SLC9A9: variants seen among roughly 807,000 people sequenced by gnomAD.
SLC9A9 encodes sodium/hydrogen exchanger 9.
In SLC9A9, 62 loss-of-function variants were observed where a neutral mutation model predicts 77.8. The observed-to-expected ratio is 0.80, with a 90% CI of 0.65 to 0.98. The LOEUF is 0.98. Among genes scored for constraint, SLC9A9 ranks in the 50% least tolerant of loss-of-function variants. The pLI, the probability that SLC9A9 is intolerant of heterozygous loss-of-function variation, is 0.00. For missense variants in SLC9A9, 775 were observed against 774.9 expected (o/e 1.00, Z 0.00); for synonymous variants, 320 against 283.5 (o/e 1.13, Z -1.29).
At chr3:143,500,272 G>T (rs1400941784) in intron 9 of SLC9A9, among the ~76,000 whole-genome samples, 2 of 152,004 alleles carry the variant, frequency 1.3e-5, no homozygotes, top group African/African-American at 4.8e-5. Flanking sequence ...GCATACAGTT[G>T]TTCTTAATAT....
intron 12 of SLC9A9, among the ~76,000 whole-genome samples, chr3:143,438,900 G>A (rs1477730685): frequency 1.3e-5 from 2 of 152,200 alleles, no homozygotes; most frequent in African/African-American, 4.8e-5. Flanking sequence ...GGATCCAAGA[G>A]CCCAGGGCTT....
intron 12 of SLC9A9, among the ~76,000 whole-genome samples, chr3:143,401,039 C>A (rs1327011456): frequency 1.3e-5 from 2 of 152,140 alleles, no homozygotes; most frequent in Non-Finnish European, 2.9e-5. Context: ...TACTCTACCC[C>A]CTTTTCTCTA....
intron 1 of SLC9A9, 23 bp from the exon 2 acceptor site, chr3:143,832,244 T>C (rs1461450085): frequency 2.5e-6 from 4 of 1,590,294 alleles, no homozygotes; most frequent in Admixed American, 1.7e-5. Context: ...GAATAAATAA[T>C]GGTACTGGAG....
chr3:143,396,111 A>C (rs934413676), intron 12 of SLC9A9, among the ~76,000 whole-genome samples: 20 of 152,364 alleles, frequency 1.3e-4, no homozygotes, highest in African/African-American at 4.8e-4. Context: ...ATATACCCAA[A>C]GGATTATAAA....
At chr3:143,611,420 G>T (rs1269408522) in intron 6 of SLC9A9, among the ~76,000 whole-genome samples, 1 of 151,932 alleles carries the variant, frequency 6.6e-6, no homozygotes, top group Admixed American at 6.6e-5. Flanking sequence ...AAATTGAAGG[G>T]CCCAAACATG....
chr3:143,602,525 CTTAAT>C (rs1180810284), intron 6 of SLC9A9, among the ~76,000 whole-genome samples: 2 of 152,168 alleles, frequency 1.3e-5, no homozygotes, highest in Non-Finnish European at 1.5e-5. Context: ...GCTTAAATAT[CTTAAT>C]TTAACTGTTT....
chr3:143,768,848 T>C (rs1197959622), intron 4 of SLC9A9, among the ~76,000 whole-genome samples: 3 of 152,214 alleles, frequency 2.0e-5, no homozygotes, highest in African/African-American at 4.8e-5. Flanking sequence ...ACAGTGTGTA[T>C]AAATGTTTGT....
In SLC9A9 at chr3:143,761,921, G is replaced by A. The variant is rs377535158; in HGVS notation, c.533+33080C>T. 1.1e-4 allele frequency among the ~76,000 whole-genome samples: 16 copies of A among 152,296 alleles called. No individual in the cohort carries two copies. The East Asian group carries it at 1.7e-3, about 17-fold the overall frequency. On this transcript the variant is annotated intron_variant, in intron 4 of 15. Coordinates refer to ENST00000316549, the MANE Select transcript of SLC9A9 (RefSeq NM_173653.4). ...GTTTATTGCAGCACTATTCACAATA[G>A]CAAAGACATGGAACCAACCCAAATG...
intron 12 of SLC9A9, among the ~76,000 whole-genome samples, chr3:143,438,621 C>T (rs548795629): frequency 6.6e-5 from 10 of 152,262 alleles, no homozygotes; most frequent in Non-Finnish European, 1.0e-4. Flanking sequence ...ATCAGTGTGT[C>T]GCAGGGCAGA....
intron 9 of SLC9A9, among the ~76,000 whole-genome samples, chr3:143,537,649 G>A (rs1487528646): frequency 1.3e-5 from 2 of 152,180 alleles, no homozygotes; most frequent in Non-Finnish European, 2.9e-5. Flanking sequence ...CCTTAGAGTT[G>A]AGCATCCACT....
At chr3:143,840,153 G>T (rs942333400) in intron 1 of SLC9A9, among the ~76,000 whole-genome samples, 3 of 152,162 alleles carry the variant, frequency 2.0e-5, no homozygotes, top group Non-Finnish European at 4.4e-5. Flanking sequence ...CTAGGTCTGG[G>T]CTGTGAACTA....
chr3:143,547,941 G>A (rs1307117863), intron 9 of SLC9A9, among the ~76,000 whole-genome samples: 1 of 152,182 alleles, frequency 6.6e-6, no homozygotes, highest in African/African-American at 2.4e-5. Flanking sequence ...GGTACCTTGA[G>A]CAATGGCTGG....
intron 12 of SLC9A9, among the ~76,000 whole-genome samples, chr3:143,440,477 T>C (rs1484514980): frequency 6.6e-6 from 1 of 152,182 alleles, no homozygotes; most frequent in Non-Finnish European, 1.5e-5. Context: ...GTCATATACA[T>C]GAAGGCTCCA....
intron 6 of SLC9A9, among the ~76,000 whole-genome samples, chr3:143,584,827 C>A (rs1398181589): frequency 6.6e-6 from 1 of 152,174 alleles, no homozygotes; most frequent in Admixed American, 6.5e-5. Context: ...AACTTAAAAC[C>A]TAAATCTTCA....
intron 12 of SLC9A9, among the ~76,000 whole-genome samples, chr3:143,410,151 G>A (rs987997504): frequency 6.6e-6 from 1 of 152,174 alleles, no homozygotes; most frequent in Non-Finnish European, 1.5e-5. Flanking sequence ...GAGGGTTGGA[G>A]AGGATAGAGC....
chr3:143,682,925 A>G (rs1933148523), intron 5 of SLC9A9, among the ~76,000 whole-genome samples: 1 of 152,156 alleles, frequency 6.6e-6, no homozygotes, highest in African/African-American at 2.4e-5. Context: ...CCACATTTCA[A>G]GGTCCTTAAT....
At chr3:143,411,277 C>A (rs1318129561) in intron 12 of SLC9A9, among the ~76,000 whole-genome samples, 2 of 152,120 alleles carry the variant, frequency 1.3e-5, no homozygotes, top group Non-Finnish European at 2.9e-5. Flanking sequence ...CCTCTTAATT[C>A]ATCCTCTAAG....
At chr3:143,272,095 C>T (rs1010139365) in intron 14 of SLC9A9, among the ~76,000 whole-genome samples, 9 of 152,268 alleles carry the variant, frequency 5.9e-5, no homozygotes, top group Non-Finnish European at 1.0e-4. Flanking sequence ...CAAAGTTGGA[C>T]TACTTGGGCC....
chr3:143,813,790 TCTTTTGTAC>T (rs2008933158), intron 2 of SLC9A9, among the ~76,000 whole-genome samples: 1 of 152,190 alleles, frequency 6.6e-6, no homozygotes, highest in Non-Finnish European at 1.5e-5. Context: ...TCTCATATAC[TCTTTTGTAC>T]CTTTTGAACA....
Sources: gnomAD v4.1 joint callset for allele counts (sites outside exome capture counted in the v4.1 genomes callset) on GRCh38, gnomAD v4.1.1 for gene constraint, MANE v1.5 for transcripts, NCBI Gene and HGNC (gene_info 2026-07-23, HGNC 2026-07-21) for gene names.